Variants in SKI observed in about 807,000 individuals in gnomAD.
SKI encodes SKI proto-oncogene.
Under a neutral mutation model 59.3 loss-of-function variants are expected in SKI, and 23 were observed. The ratio of observed to expected loss-of-function variants is 0.39; its 90% confidence interval spans 0.28 to 0.55. The LOEUF (loss-of-function observed/expected upper bound fraction) is 0.55, where lower values mean the gene tolerates loss of function less well. Among genes scored for constraint, SKI ranks in the 20% least tolerant of loss-of-function variants. SKI has a pLI of 0.67. For synonymous variants in SKI, 673 were observed against 488.6 expected (o/e 1.38, Z -4.98); for missense variants, 1,017 against 1,038.9 (o/e 0.98, Z 0.29).
At position 2,303,413 on chromosome 1, in the gene SKI, C is replaced by T. The variant is rs1339295895; in HGVS notation, c.1211+13C>T. On this transcript the variant is annotated intron_variant, in intron 3 of 6. Coordinates refer to ENST00000378536, the MANE Select transcript of SKI (RefSeq NM_003036.4). This position sits in a 1 kb window ranked among gnomAD's most constrained non-coding sequence, Gnocchi z 5.6. ...TCATCCGAGACAGGTGAGTGGGCGC[C>T]ATTCACAGGTGTTTCTGATCACGGG... 1 of 1,600,864 alleles carries T rather than the reference C, an allele frequency of 6.2e-7. No individual in the cohort carries two copies. The highest frequency in any genetic ancestry group is 2.2e-5 in the East Asian group (1 of 44,788).
At chr1:2,260,318 A>G (rs1429662928) in intron 1 of SKI, among the ~76,000 whole-genome samples, 2 of 152,072 alleles carry the variant, frequency 1.3e-5, no homozygotes, top group Non-Finnish European at 2.9e-5. Context: ...CTTTGGTGAA[A>G]TGTCCCTTCT....
At chr1:2,301,855 C>T (rs1192168381) in intron 1 of SKI, among the ~76,000 whole-genome samples, 1 of 152,272 alleles carries the variant, frequency 6.6e-6, no homozygotes, top group Non-Finnish European at 1.5e-5. Flanking sequence ...GCCCCTTGCC[C>T]TGTGTGGCCT....
intron 1 of SKI, among the ~76,000 whole-genome samples, chr1:2,260,732 G>T (rs1257225256): frequency 6.6e-6 from 1 of 151,592 alleles, no homozygotes. Flanking sequence ...GTAGAGACGG[G>T]GTTTCGCTAT....
In SKI at chr1:2,306,739, G is replaced by T; in HGVS notation, c.2161G>T (p.Glu721Ter). The T allele has an allele frequency of 6.5e-7, 1 of 1,529,640 alleles. No homozygotes were observed. The highest frequency in any genetic ancestry group is 1.4e-5 in the African/African-American group (1 of 70,876). 94.8% of individuals were successfully genotyped at this position (1,529,640 alleles called of 1,614,324 possible). Reference protein sequence around the residue: ...PRARPEAAGSEGAAELEP With the variant: ...PRARPEAAGS ...GGCCCGCCCCGAGGCTGCGGGCAGCGAGGGCGCTGCGGAGCTGGAGCCGTA... is the reference window on the plus strand; with the variant it reads ...GGCCCGCCCCGAGGCTGCGGGCAGCTAGGGCGCTGCGGAGCTGGAGCCGTA... Residue 721 changes from glutamate (E) to a stop codon, truncating the protein, a stop_gained, in exon 7 of 7, where the codon GAG becomes TAG. Transcript: ENST00000378536. LOFTEE classifies it high-confidence loss of function.
chr1:2,284,013 C>T (rs1301940193), intron 1 of SKI, among the ~76,000 whole-genome samples: 1 of 152,166 alleles, frequency 6.6e-6, no homozygotes, highest in East Asian at 1.9e-4. Context: ...GGTGCAGTGC[C>T]CGTGCCATCT....
chr1:2,251,204 A>G (rs1639140310), intron 1 of SKI, among the ~76,000 whole-genome samples: 1 of 151,872 alleles, frequency 6.6e-6, no homozygotes, highest in South Asian at 2.1e-4. Flanking sequence ...AGAGTCACTT[A>G]CTGTCCGTTC....
chr1:2,248,911 T>C (rs1639056895), intron 1 of SKI, among the ~76,000 whole-genome samples: 1 of 152,166 alleles, frequency 6.6e-6, no homozygotes, highest in Admixed American at 6.5e-5. Context: ...CATTGGCCCC[T>C]CTCCTGTTTG....
rs1640464376 is a variant in SKI at position 2,303,004 on chromosome 1, A to T, written c.996A>T (p.Ile332=). ...TCTCCTCTGAGCCTCCGGCCTCCAT[A>T]AGACCCAAAACAGATGACACCTCTT... ...PRVSSEPPAS[I]RPKTDDTSSQ... The change falls in exon 2 of 7, where the codon ATA becomes ATT. Residue 332 remains isoleucine, a synonymous_variant. Transcript: ENST00000378536. The surrounding 1 kb of genome is among the most constrained non-coding windows in gnomAD (Gnocchi z 5.6). The T allele has an allele frequency of 6.2e-7, 1 of 1,613,530 alleles. No homozygotes were observed. The highest frequency in any genetic ancestry group is 1.3e-5 in the African/African-American group (1 of 74,930).
At chr1:2,240,849 G>A (rs931453437) in intron 1 of SKI, 1 of 958,338 alleles carries the variant, frequency 1.0e-6, no homozygotes, top group African/African-American at 1.8e-5. Flanking sequence ...CAGTGTGGGG[G>A]CCGTCCACAG....
At chr1:2,277,991 A>G (rs1639783084) in intron 1 of SKI, among the ~76,000 whole-genome samples, 1 of 152,000 alleles carries the variant, frequency 6.6e-6, no homozygotes, top group Non-Finnish European at 1.5e-5. Flanking sequence ...ATGGGCATAC[A>G]TGGATGCACA....
chr1:2,238,382 C>T (rs554558304), intron 1 of SKI, among the ~76,000 whole-genome samples: 17 of 152,070 alleles, frequency 1.1e-4, no homozygotes, highest in African/African-American at 2.7e-4. Flanking sequence ...GGAAGGTCGG[C>T]GGCCCTGCGT....
intron 1 of SKI, among the ~76,000 whole-genome samples, chr1:2,276,354 T>C (rs946109025): frequency 1.3e-5 from 2 of 152,190 alleles, no homozygotes; most frequent in African/African-American, 4.8e-5. Flanking sequence ...GTTTGATATT[T>C]ATCTCCAAAG....
chr1:2,285,481 C>G (rs1450542143), intron 1 of SKI, among the ~76,000 whole-genome samples: 1 of 151,764 alleles, frequency 6.6e-6, no homozygotes, highest in African/African-American at 2.4e-5. Context: ...TGCCACTGCA[C>G]TCCAGCCTGG....
intron 1 of SKI, among the ~76,000 whole-genome samples, chr1:2,290,985 G>T (rs374668335): frequency 6.6e-6 from 1 of 152,172 alleles, no homozygotes. Context: ...TTTGGCGAGG[G>T]TGGCAGGCAG....
intron 1 of SKI, among the ~76,000 whole-genome samples, chr1:2,243,103 C>T (rs1638915718): frequency 6.6e-6 from 1 of 152,248 alleles, no homozygotes; most frequent in South Asian, 2.1e-4. Context: ...ATATGAGTGC[C>T]TTGGGTGCCT....
chr1:2,287,548 G>A (rs1247128061), intron 1 of SKI, among the ~76,000 whole-genome samples: 1 of 152,140 alleles, frequency 6.6e-6, no homozygotes, highest in African/African-American at 2.4e-5. Context: ...GTGTTAGCCA[G>A]GATGGATAAT....
At chr1:2,294,088 G>A (rs998970859) in intron 1 of SKI, among the ~76,000 whole-genome samples, 5 of 152,200 alleles carry the variant, frequency 3.3e-5, no homozygotes, top group East Asian at 1.9e-4. Context: ...AGGAAGGTTC[G>A]AGGGTCTCGG....
chr1:2,273,380 T>G (rs1214658417), intron 1 of SKI, among the ~76,000 whole-genome samples: 1 of 152,132 alleles, frequency 6.6e-6, no homozygotes, highest in Admixed American at 6.5e-5. Context: ...CCTATCCTGG[T>G]CAGAGGGTGG....
At chr1:2,273,325 G>A (rs1462966596) in intron 1 of SKI, among the ~76,000 whole-genome samples, 7 of 152,210 alleles carry the variant, frequency 4.6e-5, no homozygotes, top group Admixed American at 2.0e-4. Flanking sequence ...CGCCAGTGCC[G>A]GAGACCCTCG....
Sources: allele counts gnomAD v4.1 joint callset (sites outside exome capture counted in the v4.1 genomes callset), GRCh38; gene constraint gnomAD v4.1.1; non-coding constraint Gnocchi (gnomAD v3.1); transcripts MANE v1.5; gene names NCBI Gene and HGNC (gene_info 2026-07-23, HGNC 2026-07-21).